Variants in FRMD4B observed in about 807,000 individuals in gnomAD.
FRMD4B encodes FERM domain containing 4B.
A neutral mutation model predicts 141.5 loss-of-function variants in FRMD4B; 74 were observed. The observed-to-expected ratio is 0.52, with a 90% CI of 0.43 to 0.63. The LOEUF (loss-of-function observed/expected upper bound fraction) is 0.63, where lower values mean the gene tolerates loss of function less well. Ranked by LOEUF, FRMD4B falls within the 30% of genes least tolerant of loss-of-function variation. FRMD4B has a pLI of 0.00. For synonymous variants in FRMD4B, 506 were observed against 467.9 expected (o/e 1.08, Z -1.05); for missense variants, 1,366 against 1,253.4 (o/e 1.09, Z -1.36).
intron 2 of FRMD4B, among the ~76,000 whole-genome samples, chr3:69,395,665 T>G (rs149916954): frequency 4.1e-4 from 62 of 152,318 alleles, no homozygotes; most frequent in African/African-American, 1.4e-3. Flanking sequence ...TGTATCTTGC[T>G]ATCCTAAAAT....
chr3:69,182,729 A>G lies in FRMD4B; in HGVS notation c.1920-12T>C. 6.2e-7 allele frequency: 1 copy of G among 1,610,362 alleles called. No individual in the cohort carries two copies. The highest frequency in any genetic ancestry group is 8.5e-7 in the Non-Finnish European group (1 of 1,178,870). On this transcript the variant is annotated splice_polypyrimidine_tract_variant and intron_variant, in intron 19 of 22. Transcript: ENST00000398540. ...TGGACAGCATTTCTCTGTGATGATA[A>G]AAAGAAGAATTCAGGAAATGATGAG...
At chr3:69,233,576 T>G (rs956769961) in intron 7 of FRMD4B, among the ~76,000 whole-genome samples, 1 of 152,122 alleles carries the variant, frequency 6.6e-6, no homozygotes, top group African/African-American at 2.4e-5. Context: ...AAAATGTGTA[T>G]GTGGATGTAA....
intron 1 of FRMD4B, among the ~76,000 whole-genome samples, chr3:69,468,045 CA>C (rs1454195902): frequency 5.3e-5 from 8 of 152,318 alleles, no homozygotes; most frequent in South Asian, 4.1e-4. Context: ...GAGTTTTTGA[CA>C]AAGAGCAAAT....
In FRMD4B at chr3:69,536,168, T is replaced by G; in HGVS notation, c.-129+6038A>C. 7 of 537,934 alleles carry G rather than the reference T, an allele frequency of 1.3e-5. No individual in the cohort carries two copies. The South Asian group carries it at 1.4e-4, about 10-fold the overall frequency. The allele number at this position is 537,934 out of a possible 1,614,324, so 33.3% of individuals were successfully genotyped here. On this transcript the variant is annotated intron_variant, in intron 1 of 5. Coordinates refer to the FRMD4B transcript ENST00000459638. ...AGCCTTCTGCACCTCTGCTGGCCTC[T>G]TCGCTGCCTTCTTCACCTTGCCCGC... is the stretch of plus-strand genomic sequence containing the variant.
chr3:69,486,883 C>T (rs1408446115), intron 1 of FRMD4B, among the ~76,000 whole-genome samples: 1 of 152,176 alleles, frequency 6.6e-6, no homozygotes, highest in Non-Finnish European at 1.5e-5. Context: ...ATATGCAACT[C>T]TCCAGAAAGA....
At chr3:69,325,681 G>T (rs1316955802) in intron 1 of FRMD4B, among the ~76,000 whole-genome samples, 1 of 152,118 alleles carries the variant, frequency 6.6e-6, no homozygotes, top group Non-Finnish European at 1.5e-5. Context: ...ATTTGGGTTT[G>T]CCTCTTGTAT....
chr3:69,340,414 T>C (rs186276843), intron 1 of FRMD4B, among the ~76,000 whole-genome samples: 9 of 152,302 alleles, frequency 5.9e-5, no homozygotes, highest in Admixed American at 3.9e-4. Context: ...GAACATATGA[T>C]ATTTGGTTTT....
In FRMD4B at chr3:69,181,574, G is replaced by C. The variant is rs1368350567; in HGVS notation, c.2176C>G (p.Leu726Val). Reference sequence around the variant, plus strand: ...CTTGTATAAGAAGACCCGTCATCGAGGATTTCTGTGCTGCTGCTTCTTTGG... The same window carrying C: ...CTTGTATAAGAAGACCCGTCATCGACGATTTCTGTGCTGCTGCTTCTTTGG... ...KSQRSSSTEI[L>V]DDGSSYTSQS... Residue 726 changes from leucine to valine, a missense_variant, in exon 21 of 23, where the codon CTC becomes GTC. Leu to Val is a conservative substitution (Grantham distance 32, BLOSUM62 1). Transcript: ENST00000398540. 2 of 1,613,784 alleles carry C rather than the reference G, an allele frequency of 1.2e-6. No individual in the cohort carries two copies. Among genetic ancestry groups the C allele is most frequent in the East Asian group, 4.5e-5 (2 of 44,876 alleles).
chr3:69,357,257 C>T (rs1050146219), intron 1 of FRMD4B, among the ~76,000 whole-genome samples: 6 of 152,206 alleles, frequency 3.9e-5, no homozygotes, highest in Admixed American at 6.5e-5. Flanking sequence ...CAGAATGGGA[C>T]AGTGGCAAAG....
chr3:69,540,386 G>C (rs964906413), intron 1 of FRMD4B, among the ~76,000 whole-genome samples: 1 of 151,430 alleles, frequency 6.6e-6, no homozygotes, highest in Non-Finnish European at 1.5e-5. Flanking sequence ...AGGCCGAGGC[G>C]GGCGGATCAC....
chr3:69,182,725 G>T lies in FRMD4B; in HGVS notation c.1920-8C>A, dbSNP rs757459435. The T allele has an allele frequency of 3.7e-6, 6 of 1,610,118 alleles. No homozygotes were observed. ...TGTGTGGACAGCATTTCTCTGTGAT[G>T]ATAAAAAGAAGAATTCAGGAAATGA... On this transcript the variant is annotated splice_polypyrimidine_tract_variant and splice_region_variant and intron_variant, in intron 19 of 22. Transcript: ENST00000398540.
chr3:69,330,340 CTTTTT>C (rs34238889), intron 1 of FRMD4B, among the ~76,000 whole-genome samples: 721 of 43,050 alleles, frequency 0.017, 26 homozygotes, highest in African/African-American at 0.08. Context: ...ATTCTTTTGC[CTTTTT>C]TTTTTTTTTT....
chr3:69,525,215 C>T (rs2107140741), intron 1 of FRMD4B, among the ~76,000 whole-genome samples: 1 of 152,156 alleles, frequency 6.6e-6, no homozygotes, highest in Admixed American at 6.5e-5. Flanking sequence ...ATACATTTAT[C>T]CTCCTGGCTC....
chr3:69,319,597 C>T (rs993149418), intron 1 of FRMD4B, among the ~76,000 whole-genome samples: 2 of 152,088 alleles, frequency 1.3e-5, no homozygotes, highest in Non-Finnish European at 2.9e-5. Flanking sequence ...TGGCACCCAG[C>T]GAGGCACTTT....
In FRMD4B at chr3:69,540,654, T is replaced by TACACACACAC. The variant is rs1487394957; in HGVS notation, c.-129+1551_-129+1552insGTGTGTGTGT. Among the ~76,000 whole-genome samples, 7 of 78,236 alleles carry TACACACACAC rather than the reference T, an allele frequency of 8.9e-5. No individual in the cohort carries two copies. The East Asian group carries it at 1.9e-3, about 22-fold the overall frequency. 51.3% of individuals were successfully genotyped at this position (78,236 alleles called of 152,430 possible). ...AAAAAAAAATATATATATATATATA[T>TACACACACAC]ATATATACACACACACACACACACA... On this transcript the variant is annotated intron_variant, in intron 1 of 5. Transcript: ENST00000459638.
intron 1 of FRMD4B, among the ~76,000 whole-genome samples, chr3:69,528,206 G>A (rs1187332491): frequency 6.6e-6 from 1 of 152,054 alleles, no homozygotes; most frequent in Non-Finnish European, 1.5e-5. Context: ...TCAATGGCAA[G>A]GACTATGACG....
intron 19 of FRMD4B, among the ~76,000 whole-genome samples, chr3:69,184,765 A>C (rs540317972): frequency 2.0e-5 from 3 of 152,244 alleles, no homozygotes; most frequent in Non-Finnish European, 4.4e-5. Context: ...GCAATGACAA[A>C]AATGTTCCGG....
chr3:69,211,140 C>T (rs914616192), intron 11 of FRMD4B, among the ~76,000 whole-genome samples: 2 of 151,604 alleles, frequency 1.3e-5, no homozygotes, highest in African/African-American at 4.8e-5. Flanking sequence ...ATTTCCCATA[C>T]TCTTTTATTG....
At chr3:69,253,183 ATT>A (rs5849890) in intron 5 of FRMD4B, among the ~76,000 whole-genome samples, 3 of 129,882 alleles carry the variant, frequency 2.3e-5, no homozygotes, top group African/African-American at 6.0e-5. Flanking sequence ...TATGATTCCT[ATT>A]TTTTTTTTTT....
Sources: allele counts gnomAD v4.1 joint callset (sites outside exome capture counted in the v4.1 genomes callset), GRCh38; gene constraint gnomAD v4.1.1; transcripts MANE v1.5; gene names NCBI Gene and HGNC (gene_info 2026-07-23, HGNC 2026-07-21).